Variants in HHIP observed in about 807,000 individuals in gnomAD.
HHIP encodes the protein hedgehog-interacting protein.
In HHIP, 12 loss-of-function variants were observed where a neutral mutation model predicts 74.0. The ratio of observed to expected loss-of-function variants is 0.16; its 90% CI spans 0.10 to 0.26. The LOEUF (loss-of-function observed/expected upper bound fraction) is 0.26. HHIP is among the 10% of genes least tolerant of loss of function. The pLI is 1.00. For missense variants in HHIP, 788 were observed against 845.0 expected (o/e 0.93, Z 0.84); for synonymous variants, 309 against 311.6 (o/e 0.99, Z 0.09).
intron 1 of HHIP, among the ~76,000 whole-genome samples, chr4:144,647,521 T>C (rs932180699): frequency 6.6e-6 from 1 of 152,184 alleles, no homozygotes; most frequent in Non-Finnish European, 1.5e-5. Context: ...TGAAAAAAAC[T>C]GGCGAAAGAT....
At chr4:144,690,871 C>T (rs1729638387) in intron 4 of HHIP, among the ~76,000 whole-genome samples, 1 of 152,090 alleles carries the variant, frequency 6.6e-6, no homozygotes, top group Admixed American at 6.6e-5. Flanking sequence ...AATGAACTGT[C>T]CTTCATGCTG....
At chr4:144,694,724 A>T (rs1729767115) in intron 4 of HHIP, among the ~76,000 whole-genome samples, 1 of 151,908 alleles carries the variant, frequency 6.6e-6, no homozygotes, top group South Asian at 2.1e-4. Flanking sequence ...AATTAAAGTA[A>T]AAAGGTATAA....
chr4:144,714,115 C>T, intron 8 of HHIP, 110 bp from the exon 9 acceptor site: 1 of 923,992 alleles, frequency 1.1e-6, no homozygotes, highest in Non-Finnish European at 1.7e-6. Context: ...TTTGGTGTAT[C>T]ATAGAACACA....
intron 4 of HHIP, among the ~76,000 whole-genome samples, chr4:144,675,968 A>C (rs1366862866): frequency 3.3e-5 from 5 of 152,194 alleles, no homozygotes; most frequent in African/African-American, 1.2e-4. Context: ...AACTTCAGTA[A>C]TTTTTCAGTG....
chr4:144,731,158 C>T (rs1201403072), intron 11 of HHIP, among the ~76,000 whole-genome samples: 2 of 152,086 alleles, frequency 1.3e-5, no homozygotes, highest in Non-Finnish European at 2.9e-5. Context: ...TTAAGGATAT[C>T]CCTCCCCTGA....
rs542720120 is a variant in HHIP, at chr4:144,692,338, C to T, written c.832-14193C>T. 1.3e-4 allele frequency among the ~76,000 whole-genome samples: 20 copies of T among 152,172 alleles called. No individual in the cohort carries two copies. In the South Asian group the frequency reaches 3.9e-3, roughly 30 times the overall value. On this transcript the variant is annotated intron_variant, in intron 4 of 12. Transcript: ENST00000296575. The stretch of plus-strand genomic sequence containing the variant: ...CGTATTTACGTGTGCCCTCAGATAC[C>T]GAAAATTCTCCACAACCAGCAAGAA...
chr4:144,726,655 A>G (rs1730815247), intron 11 of HHIP, among the ~76,000 whole-genome samples: 1 of 152,190 alleles, frequency 6.6e-6, no homozygotes, highest in Non-Finnish European at 1.5e-5. Flanking sequence ...ACAAAAGAGA[A>G]TATCAGCACA....
rs1731322571 is a variant in HHIP at position 144,743,764 on chromosome 4, T to C, written c.*5807T>C. On this transcript the variant is annotated 3_prime_UTR_variant, in exon 13 of 13. Transcript: ENST00000296575. ...ACTGAACATTAACAGTAATGGGAAA[T>C]TCATAATGGCTAAATATGAAATAAG... 1 of 152,088 alleles carries C rather than the reference T, an allele frequency of 6.6e-6. No homozygotes were observed. Among genetic ancestry groups the C allele is most frequent in the Non-Finnish European group, 1.5e-5 (1 of 67,958 alleles). The allele number at this position is 152,088 out of a possible 1,614,324, so 9.4% of individuals were successfully genotyped here. A position where few individuals can be genotyped will look rare whatever the true frequency, so the allele number is the denominator to read the frequency against.
intron 4 of HHIP, among the ~76,000 whole-genome samples, chr4:144,690,546 G>C (rs768649512): frequency 6.6e-5 from 10 of 152,172 alleles, no homozygotes; most frequent in African/African-American, 9.7e-5. Context: ...AAATGCAAAT[G>C]CATCAGGATA....
intron 11 of HHIP, 125 bp downstream of exon 11, chr4:144,719,081 A>G (rs1730553482): frequency 1.5e-6 from 1 of 677,970 alleles, no homozygotes; most frequent in Non-Finnish European, 2.6e-6. Context: ...TACCATTTCC[A>G]TATGCTTAGA....
At chr4:144,661,883 G>T (rs1229196627) in intron 4 of HHIP, among the ~76,000 whole-genome samples, 2 of 152,018 alleles carry the variant, frequency 1.3e-5, no homozygotes, top group Non-Finnish European at 2.9e-5. Flanking sequence ...TATTTTTTCA[G>T]TTTTAAAATC....
intron 4 of HHIP, among the ~76,000 whole-genome samples, chr4:144,689,824 T>A (rs1248845607): frequency 6.6e-6 from 1 of 151,654 alleles, no homozygotes; most frequent in Non-Finnish European, 1.5e-5. Flanking sequence ...ATTTTATTTT[T>A]TTGAGACGGA....
At chr4:144,717,840 G>T (rs1490515732) in intron 10 of HHIP, among the ~76,000 whole-genome samples, 1 of 151,886 alleles carries the variant, frequency 6.6e-6, no homozygotes, top group Non-Finnish European at 1.5e-5. Context: ...CTTCTAAAAA[G>T]CTAAAGAAGG....
Position 144,671,315 on chromosome 4 carries a change from G to T in HHIP, c.831+11477G>T, listed in dbSNP as rs561319587. Among the ~76,000 whole-genome samples the T allele has an allele frequency of 1.8e-4, 21 of 116,904 alleles. No homozygotes were observed. The South Asian group carries it at 9.5e-3, about 53-fold the overall frequency. 76.7% of individuals were successfully genotyped at this position (116,904 alleles called of 152,430 possible). A position where few individuals can be genotyped will look rare whatever the true frequency, so the allele number is the denominator to read the frequency against. ...AAACAATGTCTCCTCGTCCAAGGAG[G>T]GTGTTTTTTTTTTTTTTCTTAAGAT... is the stretch of plus-strand genomic sequence containing the variant. On this transcript the variant is annotated intron_variant, in intron 4 of 12. Transcript: ENST00000296575.
At chr4:144,705,619 T>G (rs1730111979) in intron 4 of HHIP, among the ~76,000 whole-genome samples, 1 of 152,190 alleles carries the variant, frequency 6.6e-6, no homozygotes, top group Non-Finnish European at 1.5e-5. Context: ...AGACTATTTG[T>G]GGGATAAAAC....
intron 7 of HHIP, 56 bp from the exon 8 acceptor site, chr4:144,711,894 C>G: frequency 2.6e-6 from 4 of 1,558,948 alleles, no homozygotes; most frequent in African/African-American, 1.3e-5. Context: ...AATCTCCAGT[C>G]TGAGCTTGGA....
At chr4:144,716,887 A>AAAAAAAAAAAAAAAC (rs1730467557) in intron 10 of HHIP, among the ~76,000 whole-genome samples, 1 of 131,448 alleles carries the variant, frequency 7.6e-6, no homozygotes, top group Non-Finnish European at 1.7e-5. Flanking sequence ...AAAAAAAAAA[A>AAAAAAAAAAAAAAAC]AGTAAAAGAA....
chr4:144,662,978 G>T (rs1728754528), intron 4 of HHIP, among the ~76,000 whole-genome samples: 1 of 152,096 alleles, frequency 6.6e-6, no homozygotes, highest in Non-Finnish European at 1.5e-5. Context: ...TAATCACCCA[G>T]GAGCTTTCAA....
chr4:144,708,607 T>G (rs2126656512), intron 7 of HHIP, among the ~76,000 whole-genome samples: 1 of 152,350 alleles, frequency 6.6e-6, no homozygotes, highest in African/African-American at 2.4e-5. Context: ...TGGACTAGTA[T>G]AATGACCAAG....
Sources: gnomAD v4.1 joint callset for allele counts (sites outside exome capture counted in the v4.1 genomes callset) on GRCh38, gnomAD v4.1.1 for gene constraint, MANE v1.5 for transcripts, NCBI Gene and HGNC (gene_info 2026-07-23, HGNC 2026-07-21) for gene names.